ZNF557: variants seen among roughly 807,000 people sequenced by gnomAD.
The protein encoded by ZNF557 is zinc finger protein 557.
Under a neutral mutation model 21.2 loss-of-function variants are expected in ZNF557, and 19 were observed. That is an observed-to-expected ratio of 0.90 (90% confidence interval 0.63 to 1.32). ZNF557 has a LOEUF of 1.32. Ranked by LOEUF, ZNF557 falls within the 40% of genes most tolerant of loss-of-function variation. ZNF557 has a pLI of 0.00. For synonymous variants in ZNF557, 207 were observed against 194.8 expected (o/e 1.06, Z -0.52); for missense variants, 487 against 519.8 (o/e 0.94, Z 0.61).
In ZNF557 at chr19:7,083,518, CCTTTACCAATAG is replaced by C. The variant is rs1295965935; in HGVS notation, c.1072_1083del (p.Thr358_Phe361del). 1 of 1,614,106 alleles carries C rather than the reference CCTTTACCAATAG, an allele frequency of 6.2e-7. No individual in the cohort carries two copies. Among genetic ancestry groups the C allele is most frequent in the Non-Finnish European group, 8.5e-7 (1 of 1,180,014 alleles). ...TACACATGTAATGAGTGTGGGAAAT[CCTTTACCAATAG>C]CTTTTCTCTTACAATTCACAGGAGA... is the stretch of plus-strand genomic sequence containing the variant. On this transcript the variant is annotated inframe_deletion, in exon 8 of 8. Transcript: ENST00000252840.
chr19:7,072,041 G>A (rs1231070947), intron 2 of ZNF557, among the ~76,000 whole-genome samples: 9 of 147,322 alleles, frequency 6.1e-5, no homozygotes, highest in East Asian at 2.0e-4. Flanking sequence ...GCATAAACCC[G>A]GGAGGTGGAG....
intron 5 of ZNF557, among the ~76,000 whole-genome samples, chr19:7,080,723 C>T (rs1338395405): frequency 6.6e-6 from 1 of 152,158 alleles, no homozygotes; most frequent in Admixed American, 6.5e-5. Flanking sequence ...ATCTCTCTTA[C>T]CCAGATTCAG....
intron 4 of ZNF557, 105 bp from the exon 5 acceptor site, chr19:7,076,276 C>T (rs1044892061): frequency 1.2e-5 from 19 of 1,609,648 alleles, no homozygotes; most frequent in Admixed American, 6.7e-5. Context: ...CCCCACATCT[C>T]GTGCTCAGGT....
At chr19:7,073,157 G>GT (rs552141577) in intron 2 of ZNF557, among the ~76,000 whole-genome samples, 3,843 of 135,986 alleles carry the variant, frequency 0.028, 128 homozygotes, top group South Asian at 0.04. Context: ...GGTTTTTTTT[G>GT]TTTTTTTTTT....
At position 7,082,901 on chromosome 19, in the gene ZNF557, A is replaced by G; in HGVS notation, c.450A>G (p.Thr150=). 6.3e-7 allele frequency: 1 copy of G among 1,594,142 alleles called. No individual in the cohort carries two copies. The highest frequency in any genetic ancestry group is 8.6e-7 in the Non-Finnish European group (1 of 1,168,838). ...AGGAGAGGAATCATCTTGGAGCAAC[A>G]CTCAACGAATGTAATCAGTGTTTTA... ...MKMERNHLGA[T]LNECNQCFKV... is the part of the protein sequence containing the mutation. Residue 150 remains threonine, a synonymous_variant, in exon 8 of 8, where the codon ACA becomes ACG. Transcript: ENST00000252840.
intron 1 of ZNF557, 122 bp downstream of exon 1, chr19:7,069,895 G>C (rs902807305): frequency 6.6e-6 from 1 of 152,406 alleles, no homozygotes; most frequent in Non-Finnish European, 1.5e-5. Flanking sequence ...GTTTCCTCCG[G>C]TGTCCGGGCC....
In ZNF557 at chr19:7,086,243, A is replaced by AAAAAAAAAAAAAG. The variant is rs1977840520; in HGVS notation, c.*2499_*2500insAAAAAAAAAAAAG. 6.6e-6 allele frequency: 1 copy of AAAAAAAAAAAAAG among 151,192 alleles called. No individual in the cohort carries two copies. The highest frequency in any genetic ancestry group is 2.1e-4 in the South Asian group (1 of 4,808). The allele number at this position is 151,192 out of a possible 1,614,324, so 9.4% of individuals were successfully genotyped here. A position where few individuals can be genotyped will look rare whatever the true frequency, so the allele number is the denominator to read the frequency against. On this transcript the variant is annotated 3_prime_UTR_variant, in exon 8 of 8. Coordinates refer to ENST00000252840, the MANE Select transcript of ZNF557 (RefSeq NM_024341.3). ...GCAACTCTGTCTCAAAAAAAAAAAAATCAGACAATATTTGATATATTTTTT... is the reference window on the plus strand; with the variant it reads ...GCAACTCTGTCTCAAAAAAAAAAAAAAAAAAAAAAAAAGTCAGACAATATTTGATATATTTTTT...
chr19:7,077,326 G>C (rs1461248900), intron 5 of ZNF557, among the ~76,000 whole-genome samples: 1 of 151,346 alleles, frequency 6.6e-6, no homozygotes, highest in Non-Finnish European at 1.5e-5. Context: ...AATAGAGATG[G>C]GGTTTCACCA....
chr19:7,082,067 GGTGATTCCTGGT>G lies in ZNF557; in HGVS notation c.426+16_426+27del. On this transcript the variant is annotated intron_variant, in intron 7 of 7. Coordinates refer to ENST00000252840, the MANE Select transcript of ZNF557 (RefSeq NM_024341.3). The stretch of plus-strand genomic sequence containing the variant: ...ATATGAAAATGGTAAGACTAACATG[GGTGATTCCTGGT>G]TTTTTTCATGGTAGAATGCCCTACA... 2.5e-6 allele frequency: 4 copies of G among 1,595,870 alleles called. No homozygotes were observed. The highest frequency in any genetic ancestry group is 3.4e-6 in the Non-Finnish European group (4 of 1,164,472).
rs201597060 is a variant in ZNF557, at chr19:7,082,264, C to CA, written c.426+220dup. Among the ~76,000 whole-genome samples, 1,451 of 151,482 alleles carry CA rather than the reference C, an allele frequency of 9.6e-3. 22 individuals carry two copies. The highest frequency in any genetic ancestry group is 0.033 in the African/African-American group (1,352 of 41,300). ...TGAAACCCCATCTCTACTAAAAATA[C>CA]AAAAAAAACTTAGCTGGGTGTGGTG... is the stretch of plus-strand genomic sequence containing the variant. On this transcript the variant is annotated intron_variant, in intron 7 of 7. Transcript: ENST00000252840.
intron 7 of ZNF557, 99 bp from the exon 8 acceptor site, chr19:7,082,779 A>G: frequency 7.9e-7 from 1 of 1,260,920 alleles, no homozygotes; most frequent in Non-Finnish European, 1.1e-6. Context: ...TTCCAATACT[A>G]TGATACACAA....
chr19:7,072,040 C>T (rs373369782), intron 2 of ZNF557, among the ~76,000 whole-genome samples: 14 of 148,906 alleles, frequency 9.4e-5, no homozygotes, highest in African/African-American at 3.0e-4. Flanking sequence ...GGCATAAACC[C>T]GGGAGGTGGA....
In ZNF557 at chr19:7,087,226, T is replaced by TTTTTTTTTTTTGTTTTTTTTTTTTTTCC. The variant is rs1555730813; in HGVS notation, c.*3482_*3483insTTTTTTTTTTTGTTTTTTTTTTTTTTCC. 1 of 87,560 alleles carries TTTTTTTTTTTTGTTTTTTTTTTTTTTCC rather than the reference T, an allele frequency of 1.1e-5. No homozygotes were observed. Among genetic ancestry groups the TTTTTTTTTTTTGTTTTTTTTTTTTTTCC allele is most frequent in the African/African-American group, 5.1e-5 (1 of 19,646 alleles). 5.4% of individuals were successfully genotyped at this position (87,560 alleles called of 1,614,324 possible). On this transcript the variant is annotated 3_prime_UTR_variant, in exon 8 of 8. Transcript: ENST00000252840. ...GCTTTTTTTTTTTTTTTTTTTTTTT[T>TTTTTTTTTTTTGTTTTTTTTTTTTTTCC]CTTCACTGTGGTGATAAAAACCACA...
Position 7,087,699 on chromosome 19 carries a change from A to AGTGTGTGTGT in ZNF557, c.*3956_*3957insTGTGTGTGTG, listed in dbSNP as rs1381764929. On this transcript the variant is annotated 3_prime_UTR_variant, in exon 8 of 8. Coordinates refer to ENST00000252840, the MANE Select transcript of ZNF557 (RefSeq NM_024341.3). ...GTTAAAACCAAAGAGAGAGAGAGAGAGAGTGTGTGTGTGTGTGTGTGTGTT... is the reference window on the plus strand; with the variant it reads ...GTTAAAACCAAAGAGAGAGAGAGAGAGTGTGTGTGTGAGTGTGTGTGTGTGTGTGTGTGTT... 5.4e-5 allele frequency: 8 copies of AGTGTGTGTGT among 148,728 alleles called. No individual in the cohort carries two copies. Among genetic ancestry groups the AGTGTGTGTGT allele is most frequent in the African/African-American group, 2.0e-4 (8 of 39,576 alleles). 9.2% of individuals were successfully genotyped at this position (148,728 alleles called of 1,614,324 possible).
At position 7,085,267 on chromosome 19, in the gene ZNF557, G is replaced by A. The variant is rs1367216509; in HGVS notation, c.*1523G>A. ...GGCTTATTGTAACCTCTGCCTCCCA[G>A]GCTTAAGGGATCCTCCCACCTCAGC... is the stretch of plus-strand genomic sequence containing the variant. On this transcript the variant is annotated 3_prime_UTR_variant, in exon 8 of 8. Transcript: ENST00000252840. The A allele has an allele frequency of 1.3e-5, 2 of 152,124 alleles. No individual in the cohort carries two copies. The highest frequency in any genetic ancestry group is 4.8e-5 in the African/African-American group (2 of 41,402). 9.4% of individuals were successfully genotyped at this position (152,124 alleles called of 1,614,324 possible).
intron 5 of ZNF557, among the ~76,000 whole-genome samples, chr19:7,079,331 TC>T (rs1257171704): frequency 6.8e-6 from 1 of 146,440 alleles, no homozygotes; most frequent in Non-Finnish European, 1.5e-5. Context: ...AAGCTCTGCC[TC>T]CCAGGTTCAC....
At chr19:7,071,931 C>A (rs1260926680) in intron 2 of ZNF557, among the ~76,000 whole-genome samples, 31 of 142,148 alleles carry the variant, frequency 2.2e-4, no homozygotes, top group African/African-American at 7.6e-4. Flanking sequence ...TGGTGAAACC[C>A]CGTCTGTACT....
chr19:7,079,296 C>A (rs1447909530), intron 5 of ZNF557, among the ~76,000 whole-genome samples: 1 of 139,704 alleles, frequency 7.2e-6, no homozygotes, highest in Admixed American at 7.8e-5. Flanking sequence ...GGCTGGAGTG[C>A]AGTGGTGCAA....
At chr19:7,081,506 A>G (rs1377244291) in intron 6 of ZNF557, 51 bp downstream of exon 6, 1 of 1,258,884 alleles carries the variant, frequency 7.9e-7, no homozygotes, top group Non-Finnish European at 1.2e-6. Context: ...CTGGCCAGGG[A>G]CTGAGAAGTT....
Sources: gnomAD v4.1 joint callset for allele counts (sites outside exome capture counted in the v4.1 genomes callset) on GRCh38, gnomAD v4.1.1 for gene constraint, MANE v1.5 for transcripts, NCBI Gene and HGNC (gene_info 2026-07-23, HGNC 2026-07-21) for gene names.